The following TRARG1 variants were observed in gnomAD, a reference collection of about 807,000 sequenced individuals.
The protein encoded by TRARG1 is trafficking regulator of GLUT4 1.
In TRARG1, 16 loss-of-function variants were observed where a neutral mutation model predicts 13.3. The ratio of observed to expected loss-of-function variants is 1.20; its 90% CI spans 0.81 to 1.83. The LOEUF is 1.83. TRARG1 is among the 40% of genes most tolerant of loss of function. TRARG1 has a pLI of 0.00. For missense variants in TRARG1, 250 were observed against 237.4 expected, an observed-to-expected ratio of 1.05 and a Z score of -0.35; for synonymous variants, 113 against 106.2, an observed-to-expected ratio of 1.06 and a Z score of -0.39.
At position 1,299,584 on chromosome 17, in the gene TRARG1, A is replaced by G. The variant is rs1413797312; in HGVS notation, c.*1320A>G. On this transcript the variant is annotated 3_prime_UTR_variant, in exon 3 of 3. Coordinates refer to ENST00000333813, the MANE Select transcript of TRARG1 (RefSeq NM_172367.3). ...CGGCCTCTTCCTTCGTTCCAGGCCC[A>G]TGATTTTCCCTACACTTCTCCCTGG... 1 of 151,722 alleles carries G rather than the reference A, an allele frequency of 6.6e-6. No homozygotes were observed. The highest frequency in any genetic ancestry group is 1.5e-5 in the Non-Finnish European group (1 of 68,046). 9.4% of individuals were successfully genotyped at this position (151,722 alleles called of 1,614,324 possible). A position where few individuals can be genotyped will look rare whatever the true frequency, so the allele number is the denominator to read the frequency against.
intron 1 of TRARG1, among the ~76,000 whole-genome samples, chr17:1,284,030 G>C (rs1172042635): frequency 1.3e-5 from 2 of 151,942 alleles, no homozygotes; most frequent in African/African-American, 4.8e-5. Context: ...CAGGAGAATG[G>C]CGTGAATCCG....
intron 1 of TRARG1, among the ~76,000 whole-genome samples, chr17:1,287,355 T>C (rs979245178): frequency 6.6e-6 from 1 of 151,572 alleles, no homozygotes. Flanking sequence ...TTGTTGTTTT[T>C]GTTTTTTTTT....
chr17:1,295,680 C>T, intron 2 of TRARG1, 57 bp downstream of exon 2: 1 of 1,540,264 alleles, frequency 6.5e-7, no homozygotes. Flanking sequence ...GAGGACTGCT[C>T]AAGGGTGTAC....
At position 1,292,137 on chromosome 17, in the gene TRARG1, C is replaced by A. The variant is rs375169784; in HGVS notation, c.388-3354C>A. Among the ~76,000 whole-genome samples the A allele has an allele frequency of 9.9e-5, 15 of 152,276 alleles. No homozygotes were observed. The East Asian group carries it at 1.4e-3, about 14-fold the overall frequency. ...GAGCCGAGATCTCGCCATTGCACTA[C>A]AGCCTGGGCAACAAGAGCAAAACTC... On this transcript the variant is annotated intron_variant, in intron 1 of 2. Coordinates refer to ENST00000333813, the MANE Select transcript of TRARG1 (RefSeq NM_172367.3).
intron 1 of TRARG1, among the ~76,000 whole-genome samples, chr17:1,283,180 T>C (rs1361472128): frequency 6.6e-6 from 1 of 152,054 alleles, no homozygotes; most frequent in Non-Finnish European, 1.5e-5. Context: ...GCTGGGAAAG[T>C]CATTCAAACG....
chr17:1,295,707 A>C, intron 2 of TRARG1, 84 bp downstream of exon 2: 1 of 1,459,800 alleles, frequency 6.9e-7, no homozygotes. Context: ...TCAGGGGCAG[A>C]GGTGGTGGGT....
At chr17:1,282,851 G>A (rs148094507) in intron 1 of TRARG1, among the ~76,000 whole-genome samples, 18,936 of 151,686 alleles carry the variant, frequency 0.12, 1,539 homozygotes, top group South Asian at 0.18. Flanking sequence ...CACCATGCCT[G>A]GCTAATTTTT....
At chr17:1,289,614 C>A (rs912239299) in intron 1 of TRARG1, among the ~76,000 whole-genome samples, 1 of 151,272 alleles carries the variant, frequency 6.6e-6, no homozygotes, top group Non-Finnish European at 1.5e-5. Context: ...CCCTCCCACC[C>A]TCTCCCACTC....
intron 1 of TRARG1, among the ~76,000 whole-genome samples, chr17:1,281,464 C>G (rs2071972062): frequency 6.6e-6 from 1 of 152,158 alleles, no homozygotes; most frequent in African/African-American, 2.4e-5. Context: ...TTCTTCAAAC[C>G]ACTCTGTCTA....
chr17:1,292,810 T>C (rs1425653069), intron 1 of TRARG1, among the ~76,000 whole-genome samples: 3 of 152,198 alleles, frequency 2.0e-5, no homozygotes. Flanking sequence ...CATTTTTACC[T>C]TTCTTCGTGT....
chr17:1,283,407 T>G (rs1272716405), intron 1 of TRARG1, among the ~76,000 whole-genome samples: 1 of 152,178 alleles, frequency 6.6e-6, no homozygotes, highest in Non-Finnish European at 1.5e-5. Flanking sequence ...AATGGCTTTG[T>G]TGAGATATAA....
intron 1 of TRARG1, among the ~76,000 whole-genome samples, chr17:1,286,439 C>CA (rs2072022646): frequency 1.0e-5 from 1 of 97,788 alleles, no homozygotes; most frequent in African/African-American, 4.4e-5. Flanking sequence ...GTGTTGTTGT[C>CA]GGCCTGTGAG....
At chr17:1,282,054 ATGTACATG>A (rs2071979012) in intron 1 of TRARG1, among the ~76,000 whole-genome samples, 3 of 134,594 alleles carry the variant, frequency 2.2e-5, no homozygotes, top group African/African-American at 8.6e-5. Context: ...ATGTACACAT[ATGTACATG>A]TATACACATA....
chr17:1,281,438 C>T (rs2071971935), intron 1 of TRARG1, among the ~76,000 whole-genome samples: 1 of 152,120 alleles, frequency 6.6e-6, no homozygotes, highest in South Asian at 2.1e-4. Context: ...GAGCTGTCCT[C>T]TGAGAAAGCT....
chr17:1,280,205 G>T lies in TRARG1; in HGVS notation c.204G>T (p.Gly68=). 1 of 1,613,974 alleles carries T rather than the reference G, an allele frequency of 6.2e-7. No homozygotes were observed. Among genetic ancestry groups the T allele is most frequent in the Non-Finnish European group, 8.5e-7 (1 of 1,179,952 alleles). ...TACCCTTCAAGGCCATCTCCGAGGG[G>T]CACCTGGAGGCCCCACTGCCTCGGT... ...QGLPFKAISE[G]HLEAPLPRSP... is the part of the protein sequence containing the mutation. Residue 68 remains glycine (G), a synonymous_variant, in exon 1 of 3, where the codon GGG becomes GGT. Coordinates refer to ENST00000333813, the MANE Select transcript of TRARG1 (RefSeq NM_172367.3).
At chr17:1,286,078 G>C (rs2072017671) in intron 1 of TRARG1, among the ~76,000 whole-genome samples, 1 of 152,206 alleles carries the variant, frequency 6.6e-6, no homozygotes. Context: ...GCAGTGGAGA[G>C]ATGCGATCCA....
Position 1,300,019 on chromosome 17 carries a change from G to C in TRARG1, c.*1755G>C, listed in dbSNP as rs1468244111. 2 of 152,388 alleles carry C rather than the reference G, an allele frequency of 1.3e-5. No individual in the cohort carries two copies. The highest frequency in any genetic ancestry group is 4.8e-5 in the African/African-American group (2 of 41,456). 9.4% of individuals were successfully genotyped at this position (152,388 alleles called of 1,614,324 possible). A position where few individuals can be genotyped will look rare whatever the true frequency, so the allele number is the denominator to read the frequency against. On this transcript the variant is annotated 3_prime_UTR_variant, in exon 3 of 3. Coordinates refer to ENST00000333813, the MANE Select transcript of TRARG1 (RefSeq NM_172367.3). ...GGGCCCGGGCTGGTCCTTTGGGGCT[G>C]GTGTTCCTACGTCAGTCCCCACCTG... is the stretch of plus-strand genomic sequence containing the variant.
At chr17:1,294,321 G>GCCC (rs1272427857) in intron 1 of TRARG1, among the ~76,000 whole-genome samples, 4 of 152,018 alleles carry the variant, frequency 2.6e-5, no homozygotes, top group Non-Finnish European at 4.4e-5. Context: ...ATAAAACAAG[G>GCCC]CCCCCGTGAA....
rs1192261469 is a variant in TRARG1 at position 1,280,333 on chromosome 17, C to T, written c.332C>T (p.Ala111Val). The T allele has an allele frequency of 6.2e-7, 1 of 1,613,356 alleles. No homozygotes were observed. Residue 111 changes from alanine (A) to valine (V), a missense_variant, in exon 1 of 3, where the codon GCC (alanine) becomes GTC (valine). By Grantham distance (64) the Ala-to-Val change is moderately conservative (BLOSUM62 0). Transcript: ENST00000333813. ...PRDYLILAVV[A>V]CFCPVWPLNL... The stretch of plus-strand genomic sequence containing the variant: ...GATTACCTCATCCTGGCCGTCGTCG[C>T]CTGCTTCTGCCCCGTCTGGCCCCTC...
Sources: gnomAD v4.1 joint callset for allele counts (sites outside exome capture counted in the v4.1 genomes callset) on GRCh38, gnomAD v4.1.1 for gene constraint, MANE v1.5 for transcripts, NCBI Gene and HGNC (gene_info 2026-07-23, HGNC 2026-07-21) for gene names.